STMN2: variants seen among roughly 807,000 people sequenced by gnomAD.
STMN2 encodes the protein stathmin 2.
A neutral mutation model predicts 24.1 loss-of-function variants in STMN2; 2 were observed. That is an observed-to-expected ratio of 0.08 (90% confidence interval 0.03 to 0.26). STMN2 has a LOEUF of 0.26. Ranked by LOEUF, STMN2 falls within the 10% of genes least tolerant of loss-of-function variation. The pLI is 1.00. For synonymous variants in STMN2, 83 were observed against 77.5 expected (o/e 1.07, Z -0.37); for missense variants, 114 against 213.6 (o/e 0.53, Z 2.91).
intron 3 of STMN2, among the ~76,000 whole-genome samples, chr8:79,645,614 T>C (rs1810200916): frequency 6.6e-6 from 1 of 152,236 alleles, no homozygotes; most frequent in Non-Finnish European, 1.5e-5. Flanking sequence ...CTCAGAAAGT[T>C]CAAAAGAAAT....
chr8:79,634,217 T>C (rs557489348), intron 1 of STMN2, among the ~76,000 whole-genome samples: 1 of 152,336 alleles, frequency 6.6e-6, no homozygotes, highest in East Asian at 1.9e-4. Context: ...GAATTAAATG[T>C]ATTAAATGTT....
chr8:79,656,880 G>GTTTTTTTTT (rs1563448406), intron 4 of STMN2, among the ~76,000 whole-genome samples: 1 of 143,472 alleles, frequency 7.0e-6, no homozygotes, highest in Non-Finnish European at 1.6e-5. Flanking sequence ...TTTTTTGTTT[G>GTTTTTTTTT]TTTGTTTTTT....
intron 1 of STMN2, among the ~76,000 whole-genome samples, chr8:79,625,051 A>C (rs767186668): frequency 2.0e-5 from 3 of 152,318 alleles, no homozygotes; most frequent in Non-Finnish European, 2.9e-5. Flanking sequence ...GAAGCCATGG[A>C]AAGTTGAGTG....
At chr8:79,664,700 G>A (rs1461930051) in intron 4 of STMN2, 115 bp from the exon 5 acceptor site, 1 of 893,502 alleles carries the variant, frequency 1.1e-6, no homozygotes, top group Non-Finnish European at 1.6e-6. Flanking sequence ...TTCTGAAATG[G>A]GAAAAATTCA....
chr8:79,621,777 G>A (rs539261579), intron 1 of STMN2, among the ~76,000 whole-genome samples: 65 of 152,274 alleles, frequency 4.3e-4, no homozygotes, highest in African/African-American at 1.5e-3. Flanking sequence ...ATAAGCCAGA[G>A]ATAAAACTCA....
intron 1 of STMN2, chr8:79,613,378 C>T (rs764043000): frequency 5.1e-6 from 5 of 985,256 alleles, no homozygotes; most frequent in South Asian, 4.7e-5. Flanking sequence ...CCCTGCGCTC[C>T]CCTCCCCGGA....
At chr8:79,654,312 T>G (rs1810399607) in intron 3 of STMN2, among the ~76,000 whole-genome samples, 1 of 150,238 alleles carries the variant, frequency 6.7e-6, no homozygotes, top group South Asian at 2.1e-4. Context: ...AAGTTTGCAC[T>G]GTTCTCAGAT....
chr8:79,648,453 C>CTTTTTTTTTT (rs11374351), intron 3 of STMN2, among the ~76,000 whole-genome samples: 4 of 97,914 alleles, frequency 4.1e-5, no homozygotes, highest in Non-Finnish European at 5.7e-5. Flanking sequence ...ATATACGTTG[C>CTTTTTTTTTT]TTTTTTTTTT....
intron 3 of STMN2, among the ~76,000 whole-genome samples, 161 bp from the exon 4 acceptor site, chr8:79,654,710 T>C (rs1469476500): frequency 6.6e-6 from 1 of 152,206 alleles, no homozygotes; most frequent in Non-Finnish European, 1.5e-5. Flanking sequence ...CCACATTCTA[T>C]AGAAAACTCT....
chr8:79,625,841 C>T (rs773061423), intron 1 of STMN2, among the ~76,000 whole-genome samples: 4 of 152,012 alleles, frequency 2.6e-5, no homozygotes, highest in Non-Finnish European at 4.4e-5. Context: ...GCCTGTAATC[C>T]CAGCTACTTG....
intron 1 of STMN2, among the ~76,000 whole-genome samples, chr8:79,631,041 G>A (rs1809790699): frequency 6.6e-6 from 1 of 151,972 alleles, no homozygotes; most frequent in Non-Finnish European, 1.5e-5. Context: ...CTTTCATCAG[G>A]GGAAAGAAAA....
At chr8:79,613,709 C>G in intron 1 of STMN2, 5 of 985,444 alleles carry the variant, frequency 5.1e-6, no homozygotes, top group South Asian at 9.4e-5. Flanking sequence ...ACCCTTGTTG[C>G]GTTCGCTTTG....
rs879679608 is a variant in STMN2, at chr8:79,619,068, A to AT, written c.19+7867dup. 9.6e-3 allele frequency among the ~76,000 whole-genome samples: 1,399 copies of AT among 145,838 alleles called. 11 individuals carry two copies. The highest frequency in any genetic ancestry group is 0.029 in the African/African-American group (1,182 of 40,196). On this transcript the variant is annotated intron_variant, in intron 1 of 4. Coordinates refer to ENST00000220876, the MANE Select transcript of STMN2 (RefSeq NM_007029.4). ...CAAAAATATTGCCTAGGACTGAATG[A>AT]TTTTTTTTTTTTTACAAAGATTGTA...
chr8:79,652,981 C>A (rs1810367400), intron 3 of STMN2, among the ~76,000 whole-genome samples: 1 of 151,980 alleles, frequency 6.6e-6, no homozygotes, highest in African/African-American at 2.4e-5. Context: ...CAGAAAGGCT[C>A]CATTGGAGTT....
intron 3 of STMN2, among the ~76,000 whole-genome samples, chr8:79,646,541 A>C (rs1270095459): frequency 1.3e-5 from 2 of 152,120 alleles, no homozygotes; most frequent in Non-Finnish European, 2.9e-5. Context: ...TGGGACCTGA[A>C]CATTCAAAAT....
intron 2 of STMN2, among the ~76,000 whole-genome samples, chr8:79,639,524 T>C (rs1810044193): frequency 6.6e-6 from 1 of 152,246 alleles, no homozygotes; most frequent in Admixed American, 6.5e-5. Context: ...TTGTGAGTTC[T>C]GTAATTATAA....
intron 1 of STMN2, among the ~76,000 whole-genome samples, chr8:79,616,830 A>C (rs1313826159): frequency 1.3e-5 from 2 of 152,194 alleles, no homozygotes; most frequent in Non-Finnish European, 2.9e-5. Flanking sequence ...AGGACTCGGC[A>C]GAAGACCTTC....
In STMN2 at chr8:79,665,011, ATC is replaced by A; in HGVS notation, c.*138_*139del. ...TTATAAAAAAAAAAAAACAAAAAAA[ATC>A]AAAAATTAAAAAAAATCAATGCGGT... On this transcript the variant is annotated 3_prime_UTR_variant, in exon 5 of 5. Coordinates refer to ENST00000220876, the MANE Select transcript of STMN2 (RefSeq NM_007029.4). 1 of 774,528 alleles carries A rather than the reference ATC, an allele frequency of 1.3e-6. No individual in the cohort carries two copies. Among genetic ancestry groups the A allele is most frequent in the Non-Finnish European group, 1.8e-6 (1 of 557,780 alleles). The allele number at this position is 774,528 out of a possible 1,614,324, so 48.0% of individuals were successfully genotyped here.
intron 4 of STMN2, among the ~76,000 whole-genome samples, chr8:79,656,388 A>G (rs555788136): frequency 3.3e-5 from 5 of 152,338 alleles, no homozygotes; most frequent in Admixed American, 6.5e-5. Context: ...TAGTGTTTTT[A>G]TACTCTCAGA....
Sources: allele counts gnomAD v4.1 joint callset (sites outside exome capture counted in the v4.1 genomes callset), GRCh38; gene constraint gnomAD v4.1.1; transcripts MANE v1.5; gene names NCBI Gene and HGNC (gene_info 2026-07-23, HGNC 2026-07-21).